SOD2: variants seen among roughly 807,000 people sequenced by gnomAD.
SOD2 encodes superoxide dismutase [Mn], mitochondrial.
In SOD2, 11 loss-of-function variants were observed where a neutral mutation model predicts 27.0. That is an observed-to-expected ratio of 0.41 (90% CI 0.26 to 0.67). The LOEUF is 0.67. Among genes scored for constraint, SOD2 ranks in the 30% least tolerant of loss-of-function variants. The pLI, the probability that SOD2 is intolerant of heterozygous loss-of-function variation, is 0.34. For synonymous variants in SOD2, 105 were observed against 103.0 expected (o/e 1.02, Z -0.12); for missense variants, 250 against 274.5 (o/e 0.91, Z 0.63).
intron 3 of SOD2, among the ~76,000 whole-genome samples, chr6:159,687,294 C>T (rs562889873): frequency 7.2e-5 from 11 of 151,930 alleles, no homozygotes; most frequent in Admixed American, 5.9e-4. Context: ...AGACCAGCCC[C>T]GCCAACATGG....
At chr6:159,754,187 T>G (rs1779921448) in intron 1 of SOD2, among the ~76,000 whole-genome samples, 1 of 152,224 alleles carries the variant, frequency 6.6e-6, no homozygotes, top group Admixed American at 6.5e-5. Flanking sequence ...AATTTTAAAT[T>G]GAAAATTAGT....
upstream of SOD2, among the ~76,000 whole-genome samples, chr6:159,728,437 ACT>A (rs1054250526): frequency 8.6e-5 from 13 of 152,036 alleles, no homozygotes; most frequent in African/African-American, 1.7e-4. Flanking sequence ...AAACAAAAAA[ACT>A]ATTATTTAGT....
intron 1 of SOD2, chr6:159,712,759 T>A (rs1777851679): frequency 2.1e-6 from 1 of 481,230 alleles, no homozygotes; most frequent in Non-Finnish European, 4.1e-6. Flanking sequence ...CATAACCACC[T>A]CCACAACCAC....
At position 159,670,964 on chromosome 6, in the gene SOD2, T is replaced by A. The variant is rs1779642783; in HGVS notation, c.*11529A>T. ...TATATCCTGTGCCTAGCTCGGAGGG[T>A]CCCACGCCCATGGAGCCTTGCTCAT... On this transcript the variant is annotated 3_prime_UTR_variant, in exon 5 of 5. Coordinates refer to ENST00000538183, the MANE Select transcript of SOD2 (RefSeq NM_000636.4). 1 of 152,258 alleles carries A rather than the reference T, an allele frequency of 6.6e-6. No homozygotes were observed. The highest frequency in any genetic ancestry group is 2.4e-5 in the African/African-American group (1 of 41,386). 9.4% of individuals were successfully genotyped at this position (152,258 alleles called of 1,614,324 possible).
upstream of SOD2, chr6:159,748,076 A>T: frequency 7.9e-7 from 1 of 1,272,964 alleles, no homozygotes; most frequent in Non-Finnish European, 1.1e-6. This position sits in a 1 kb window ranked among gnomAD's most constrained non-coding sequence, Gnocchi z 5.6. Flanking sequence ...AGGATCAAAG[A>T]GGGGAGGAGC....
intron 1 of SOD2, among the ~76,000 whole-genome samples, chr6:159,740,149 T>A (rs889299093): frequency 1.4e-4 from 21 of 149,894 alleles, no homozygotes; most frequent in Non-Finnish European, 3.0e-5. Context: ...CTGGCCATGA[T>A]TTTTTTTTTC....
chr6:159,747,866 C>A (rs1008785082), upstream of SOD2, among the ~76,000 whole-genome samples: 1 of 147,976 alleles, frequency 6.8e-6, no homozygotes, highest in Non-Finnish European at 1.5e-5. Context: ...ATCAAATGGC[C>A]TCAATTCCTA....
upstream of SOD2, chr6:159,727,606 C>T (rs1452031426): frequency 3.2e-5 from 32 of 986,300 alleles, no homozygotes; most frequent in Non-Finnish European, 3.9e-5. Flanking sequence ...GCAGAGCTGT[C>T]CGGCTGCGCG....
intron 2 of SOD2, among the ~76,000 whole-genome samples, chr6:159,690,260 C>A (rs1410552865): frequency 7.0e-6 from 1 of 141,972 alleles, no homozygotes; most frequent in Non-Finnish European, 1.5e-5. Context: ...GCACTCCAAC[C>A]TGCGGGACAG....
chr6:159,752,880 C>T (rs1006138352), intron 1 of SOD2, among the ~76,000 whole-genome samples: 11 of 152,180 alleles, frequency 7.2e-5, no homozygotes, highest in Admixed American at 2.6e-4. Flanking sequence ...GCTGGCACTA[C>T]AAGCATGTGT....
rs1329083828 is a variant in SOD2 at position 159,671,164 on chromosome 6, G to A, written c.*11329C>T. 6.6e-6 allele frequency: 1 copy of A among 152,282 alleles called. No individual in the cohort carries two copies. Among genetic ancestry groups the A allele is most frequent in the Non-Finnish European group, 1.5e-5 (1 of 68,160 alleles). The allele number at this position is 152,282 out of a possible 1,614,324, so 9.4% of individuals were successfully genotyped here. A position where few individuals can be genotyped will look rare whatever the true frequency, so the allele number is the denominator to read the frequency against. ...CCTGCCTCTGTAGACTCCACCTCTG[G>A]GGGCATGGCATAGCCGAACAAAAGG... On this transcript the variant is annotated 3_prime_UTR_variant, in exon 5 of 5. Transcript: ENST00000538183.
At chr6:159,736,638 T>C (rs1778935019) in intron 1 of SOD2, 1 of 182,170 alleles carries the variant, frequency 5.5e-6, no homozygotes. Flanking sequence ...ATGTCAAAAA[T>C]GGACATTATG....
At chr6:159,713,505 T>C (rs2114828791) in intron 1 of SOD2, 2 of 676,298 alleles carry the variant, frequency 3.0e-6, no homozygotes, top group East Asian at 5.1e-5. Flanking sequence ...CCGTCTCAGC[T>C]ATCTCCTGCG....
chr6:159,755,736 G>GT (rs1277039315), intron 1 of SOD2: 172 of 364,594 alleles, frequency 4.7e-4, no homozygotes, highest in East Asian at 2.8e-3. Context: ...TTTTTTTGTT[G>GT]TTTTTTTTCT....
At chr6:159,731,970 T>G (rs1778599645), upstream of SOD2, among the ~76,000 whole-genome samples, 4 of 152,178 alleles carry the variant, frequency 2.6e-5, no homozygotes, top group Admixed American at 2.6e-4. Context: ...TACCTGTCTT[T>G]AAGAAGAGAG....
intron 3 of SOD2, 40 bp from the exon 4 acceptor site, chr6:159,685,073 G>C (rs759897921): frequency 6.8e-7 from 1 of 1,466,572 alleles, no homozygotes; most frequent in South Asian, 1.3e-5. Context: ...CAAATGAACA[G>C]ATTTCAATAA....
chr6:159,713,273 C>T, intron 1 of SOD2: 1 of 690,672 alleles, frequency 1.4e-6, no homozygotes, highest in Admixed American at 2.4e-5. Context: ...GTCATCATAG[C>T]CTCTATACCC....
intron 1 of SOD2, among the ~76,000 whole-genome samples, chr6:159,711,754 T>A (rs1269812828): frequency 9.9e-6 from 1 of 101,348 alleles, no homozygotes; most frequent in African/African-American, 3.8e-5. Context: ...CACATTGCTC[T>A]GATCACCATA....
At chr6:159,727,662 C>T, upstream of SOD2, 1 of 985,384 alleles carries the variant, frequency 1.0e-6, no homozygotes, top group African/African-American at 1.7e-5. Flanking sequence ...GCGGCCTCGG[C>T]CTATGCGACC....
Sources: allele counts gnomAD v4.1 joint callset (sites outside exome capture counted in the v4.1 genomes callset), GRCh38; gene constraint gnomAD v4.1.1; non-coding constraint Gnocchi (gnomAD v3.1); transcripts MANE v1.5; gene names NCBI Gene and HGNC (gene_info 2026-07-23, HGNC 2026-07-21).